RIMBP2: variants seen among roughly 807,000 people sequenced by gnomAD.
The protein encoded by RIMBP2 is RIMS-binding protein 2.
In RIMBP2, 48 loss-of-function variants were observed where a neutral mutation model predicts 118.6. That is an observed-to-expected ratio of 0.40 (90% CI 0.32 to 0.51). The LOEUF is 0.51. Ranked by LOEUF, RIMBP2 falls within the 20% of genes least tolerant of loss-of-function variation. The pLI is 0.41. For missense variants in RIMBP2, 1,551 were observed against 1,768.3 expected, an observed-to-expected ratio of 0.88 and a Z score of 2.20; for synonymous variants, 762 against 742.9, an observed-to-expected ratio of 1.03 and a Z score of -0.42.
intron 2 of RIMBP2, among the ~76,000 whole-genome samples, chr12:130,533,574 A>T (rs1259683161): frequency 1.3e-5 from 2 of 152,222 alleles, no homozygotes; most frequent in East Asian, 3.8e-4. Flanking sequence ...ACCCAAAGGA[A>T]AACAAATCAT....
intron 14 of RIMBP2, chr12:130,428,706 T>C (rs965617398): frequency 5.6e-6 from 1 of 179,298 alleles, no homozygotes; most frequent in African/African-American, 2.4e-5. Flanking sequence ...CAAACTCTGG[T>C]GACGGTGGGG....
At chr12:130,536,313 A>T (rs1027063019) in intron 2 of RIMBP2, among the ~76,000 whole-genome samples, 2 of 151,998 alleles carry the variant, frequency 1.3e-5, no homozygotes, top group African/African-American at 4.8e-5. Context: ...AATGCCCATG[A>T]CCCCCAGAAT....
intron 1 of RIMBP2, among the ~76,000 whole-genome samples, chr12:130,664,397 A>ACACG (rs1566438834): frequency 1.0e-5 from 1 of 98,710 alleles, no homozygotes; most frequent in Non-Finnish European, 2.4e-5. Flanking sequence ...ATGCACACAC[A>ACACG]CGCACGCACG....
At chr12:130,641,926 T>C (rs1284546207) in intron 1 of RIMBP2, among the ~76,000 whole-genome samples, 1 of 152,024 alleles carries the variant, frequency 6.6e-6, no homozygotes, top group African/African-American at 2.4e-5. Context: ...ACGTCATTAA[T>C]CCCCACCCTG....
At chr12:130,498,812 G>A (rs190652924) in intron 4 of RIMBP2, among the ~76,000 whole-genome samples, 12 of 152,276 alleles carry the variant, frequency 7.9e-5, no homozygotes, top group South Asian at 2.1e-4. Flanking sequence ...CCATCTGAGC[G>A]TAACTACCCA....
At chr12:130,474,262 C>A (rs1358193139) in intron 5 of RIMBP2, among the ~76,000 whole-genome samples, 1 of 152,170 alleles carries the variant, frequency 6.6e-6, no homozygotes, top group Non-Finnish European at 1.5e-5. Flanking sequence ...TACACGAGGG[C>A]TGACTATTCA....
intron 1 of RIMBP2, among the ~76,000 whole-genome samples, chr12:130,645,825 T>C (rs1454904990): frequency 4.6e-5 from 7 of 152,172 alleles, no homozygotes; most frequent in Non-Finnish European, 7.4e-5. Flanking sequence ...TTTCTTTGAA[T>C]AGAAAGATTT....
intron 4 of RIMBP2, among the ~76,000 whole-genome samples, chr12:130,497,901 C>T (rs1276798564): frequency 6.6e-6 from 1 of 152,186 alleles, no homozygotes; most frequent in Admixed American, 6.5e-5. Context: ...TGGGGAGATC[C>T]TTGTCTGACA....
intron 1 of RIMBP2, among the ~76,000 whole-genome samples, chr12:130,690,486 T>C (rs1029898666): frequency 6.6e-6 from 1 of 152,216 alleles, no homozygotes; most frequent in African/African-American, 2.4e-5. Context: ...ACAGACTCTT[T>C]GGCAACATGA....
chr12:130,541,476 T>C (rs2054597127), intron 2 of RIMBP2, among the ~76,000 whole-genome samples: 1 of 152,190 alleles, frequency 6.6e-6, no homozygotes, highest in Admixed American at 6.5e-5. Context: ...GATCACGGAA[T>C]GATTCATTAT....
intron 2 of RIMBP2, among the ~76,000 whole-genome samples, chr12:130,626,882 C>T (rs372475671): frequency 2.7e-5 from 4 of 148,730 alleles, no homozygotes; most frequent in African/African-American, 5.0e-5. Flanking sequence ...TCCATCACCA[C>T]GACTACTGCC....
chr12:130,659,572 C>CA (rs35240766), intron 1 of RIMBP2, among the ~76,000 whole-genome samples: 43 of 140,802 alleles, frequency 3.1e-4, no homozygotes, highest in South Asian at 4.4e-4. Flanking sequence ...CTGTCTCAAA[C>CA]AAAAAAAAAA....
chr12:130,484,410 C>T lies in RIMBP2; in HGVS notation c.-3-5394G>A, dbSNP rs533610377. Among the ~76,000 whole-genome samples the T allele has an allele frequency of 5.9e-5, 9 of 152,368 alleles. No individual in the cohort carries two copies. In the South Asian group the frequency reaches 1.9e-3, roughly 32 times the overall value. ...TCCAGCCTTTGCCCAGATGCCACTT[C>T]GCACTGAAGCCTGGTGGCCGCCCGG... On this transcript the variant is annotated intron_variant, in intron 4 of 22. Coordinates refer to ENST00000690449, the MANE Select transcript of RIMBP2 (RefSeq NM_001393629.1).
At chr12:130,448,399 G>A (rs946016427) in intron 9 of RIMBP2, among the ~76,000 whole-genome samples, 2 of 152,204 alleles carry the variant, frequency 1.3e-5, no homozygotes, top group Non-Finnish European at 2.9e-5. Flanking sequence ...ATCGTAGGTC[G>A]CATGTGGCAG....
chr12:130,438,333 A>G, intron 12 of RIMBP2, 32 bp downstream of exon 12: 1 of 1,434,710 alleles, frequency 7.0e-7, no homozygotes, highest in Non-Finnish European at 9.8e-7. Context: ...AGGGCCTAAC[A>G]AACCCTCCCC....
chr12:130,710,782 A>G lies in RIMBP2; in HGVS notation c.-352+5440T>C, dbSNP rs974859064. On this transcript the variant is annotated intron_variant, in intron 1 of 22. Coordinates refer to ENST00000690449, the MANE Select transcript of RIMBP2 (RefSeq NM_001393629.1). The surrounding 1 kb of genome is among the most constrained non-coding windows in gnomAD (Gnocchi z 4.3). ...ACCTACTAATGACAGACCACAAAAC[A>G]CCAACAAATGAGAATATCCCAAATG... Among the ~76,000 whole-genome samples, 8 of 152,204 alleles carry G rather than the reference A, an allele frequency of 5.3e-5. 1 individual carries two copies. In the South Asian group the frequency reaches 1.2e-3, roughly 24 times the overall value.
At chr12:130,638,126 T>C (rs970273313) in intron 1 of RIMBP2, among the ~76,000 whole-genome samples, 1 of 152,192 alleles carries the variant, frequency 6.6e-6, no homozygotes. Context: ...AAATCGCCAA[T>C]GTCTTGCCTT....
At chr12:130,491,372 T>G (rs1267804577) in intron 4 of RIMBP2, among the ~76,000 whole-genome samples, 1 of 152,220 alleles carries the variant, frequency 6.6e-6, no homozygotes, top group Non-Finnish European at 1.5e-5. Context: ...TGCTCTCTGC[T>G]GTCTAAGAGG....
intron 2 of RIMBP2, among the ~76,000 whole-genome samples, chr12:130,548,481 A>G (rs2055387497): frequency 1.3e-5 from 2 of 152,170 alleles, no homozygotes; most frequent in African/African-American, 2.4e-5. Flanking sequence ...GTGATCTATC[A>G]TGCCCACAAA....
Sources: gnomAD v4.1 joint callset for allele counts (sites outside exome capture counted in the v4.1 genomes callset) on GRCh38, gnomAD v4.1.1 for gene constraint, Gnocchi (gnomAD v3.1) non-coding constraint, MANE v1.5 for transcripts, NCBI Gene and HGNC (gene_info 2026-07-23, HGNC 2026-07-21) for gene names.